The following MYL5 variants were observed in gnomAD, a reference collection of about 807,000 sequenced individuals.
MYL5 encodes the protein myosin regulatory light chain 5.
MYL5 carries 28 observed loss-of-function variants against 20.8 expected under a neutral mutation model. The ratio of observed to expected loss-of-function variants is 1.35; its 90% CI spans 1.00 to 1.84. The LOEUF is 1.84. Ranked by LOEUF, MYL5 falls within the 40% of genes most tolerant of loss-of-function variation. The pLI is 0.00. For synonymous variants in MYL5, 118 were observed against 87.4 expected, an observed-to-expected ratio of 1.35 and a Z score of -1.95; for missense variants, 274 against 227.3, an observed-to-expected ratio of 1.21 and a Z score of -1.32.
At chr4:681,357 A>T (rs543358315) in intron 6 of MYL5, among the ~76,000 whole-genome samples, 1 of 152,006 alleles carries the variant, frequency 6.6e-6, no homozygotes, top group South Asian at 2.1e-4. Context: ...CCGTTAGATC[A>T]GCGGCTGGAG....
chr4:678,327 A>T, intron 1 of MYL5: 1 of 1,420,610 alleles, frequency 7.0e-7, no homozygotes, highest in East Asian at 2.6e-5. Flanking sequence ...ACCCAGAACA[A>T]GCCCACCCAG....
At chr4:681,288 C>G (rs1739470843) in intron 6 of MYL5, 148 bp downstream of exon 8, 5 of 913,306 alleles carry the variant, frequency 5.5e-6, no homozygotes, top group South Asian at 4.8e-5. Flanking sequence ...CCGAAGTGCC[C>G]GTCTGAGGGA....
At chr4:681,940 G>A (rs201865762) in exon 7 of MYL5, 3 of 1,334,778 alleles carry the variant, frequency 2.2e-6, no homozygotes, top group African/African-American at 1.5e-5. Flanking sequence ...CGGGCAACCT[G>A]GACTACAAGG....
At chr4:679,147 GC>G in intron 3 of MYL5, 114 bp downstream of exon 5, 1 of 1,014,360 alleles carries the variant, frequency 9.9e-7, no homozygotes, top group Non-Finnish European at 1.5e-6. Context: ...CGCCTCAGAG[GC>G]CCACCAACGG....
At chr4:678,574 G>C in intron 1 of MYL5, 84 bp from the exon 4 acceptor site, 6 of 1,529,232 alleles carry the variant, frequency 3.9e-6, no homozygotes, top group Non-Finnish European at 1.8e-6. Flanking sequence ...CCCTTCATCT[G>C]AGTTAAGTCT....
In MYL5 at chr4:681,756, C is replaced by T. The variant is rs1236628773; in HGVS notation, c.421-137C>T. 1.1e-5 allele frequency: 13 copies of T among 1,131,490 alleles called. No homozygotes were observed. The South Asian group carries it at 4.6e-4, about 40-fold the overall frequency. The allele number at this position is 1,131,490 out of a possible 1,614,324, so 70.1% of individuals were successfully genotyped here. On this transcript the variant is annotated intron_variant, in intron 6 of 6. Transcript: ENST00000400159. ...TCCAGCGCCGCCCCGCCCCCTCCAGCGCCGCCCTCACCCCGCACCCGGGCC... is the reference window on the plus strand; with the variant it reads ...TCCAGCGCCGCCCCGCCCCCTCCAGTGCCGCCCTCACCCCGCACCCGGGCC...
At chr4:680,716 T>G in intron 5 of MYL5, 129 bp downstream of exon 7, 2 of 949,084 alleles carry the variant, frequency 2.1e-6, no homozygotes, top group Non-Finnish European at 3.2e-6. Context: ...TTCAGGGCCA[T>G]GAGGAGCGAA....
chr4:678,869 TCA>T, intron 2 of MYL5, 87 bp from the exon 5 acceptor site: 4 of 1,608,702 alleles, frequency 2.5e-6, no homozygotes, highest in Non-Finnish European at 3.4e-6. Flanking sequence ...AAGCCTATCC[TCA>T]GTCAGGGGTG....
exon 2 of MYL5, chr4:678,738 G>A: frequency 6.2e-7 from 1 of 1,611,834 alleles, no homozygotes. Flanking sequence ...CCAACTTTGA[G>A]CAGACTCAGA....
At chr4:678,866 T>A in intron 2 of MYL5, 92 bp from the exon 5 acceptor site, 1 of 1,608,968 alleles carries the variant, frequency 6.2e-7, no homozygotes, top group Non-Finnish European at 8.5e-7. Flanking sequence ...TGGAAGCCTA[T>A]CCTCAGTCAG....
intron 1 of MYL5, chr4:678,295 C>T (rs1446334127): frequency 7.0e-7 from 1 of 1,432,538 alleles, no homozygotes; most frequent in Non-Finnish European, 9.2e-7. Context: ...GAGGGGGTTC[C>T]TGGCTTTCAC....
At chr4:677,605 C>T (rs905830813), upstream of MYL5, among the ~76,000 whole-genome samples, 1 of 152,242 alleles carries the variant, frequency 6.6e-6, no homozygotes, top group African/African-American at 2.4e-5. Context: ...CGGTGACCAG[C>T]TGCAGTCACC....
chr4:680,453 G>A, intron 4 of MYL5, 56 bp from the exon 7 acceptor site: 1 of 1,569,522 alleles, frequency 6.4e-7, no homozygotes, highest in Non-Finnish European at 8.8e-7. Context: ...ATCTGCCCTT[G>A]GCAGCCACGG....
chr4:681,262 G>C, intron 6 of MYL5, 122 bp downstream of exon 8: 1 of 1,175,416 alleles, frequency 8.5e-7, no homozygotes, highest in South Asian at 1.4e-5. Flanking sequence ...GGACAGAACA[G>C]GCCCCCGGGG....
At chr4:680,988 G>A in intron 5 of MYL5, 104 bp from the exon 8 acceptor site, 2 of 1,262,744 alleles carry the variant, frequency 1.6e-6, no homozygotes, top group Admixed American at 2.0e-5. Context: ...GGGCGGGAGT[G>A]CAGTGAGCGA....
chr4:678,346 T>C, intron 1 of MYL5: 2 of 1,415,332 alleles, frequency 1.4e-6, no homozygotes, highest in South Asian at 1.5e-5. Context: ...AGAGTCCACT[T>C]GCCCCTCAAG....
At chr4:680,352 C>T (rs1336032065) in intron 4 of MYL5, among the ~76,000 whole-genome samples, 157 bp from the exon 7 acceptor site, 1 of 152,162 alleles carries the variant, frequency 6.6e-6, no homozygotes. Context: ...CCTTGGGGCT[C>T]AGGAAAGGAG....
intron 3 of MYL5, among the ~76,000 whole-genome samples, 187 bp from the exon 6 acceptor site, chr4:679,727 G>A (rs1473886041): frequency 1.3e-5 from 2 of 152,160 alleles, no homozygotes; most frequent in Non-Finnish European, 2.9e-5. Context: ...TGGGGCTCAC[G>A]GTTTGGGGTG....
upstream of MYL5, chr4:676,832 C>T (rs778419972): frequency 1.6e-4 from 152 of 971,510 alleles, no homozygotes; most frequent in Middle Eastern, 1.1e-3. Context: ...ACCTTGCAGT[C>T]GGCCCCAGGT....
Sources: gnomAD v4.1 joint callset for allele counts (sites outside exome capture counted in the v4.1 genomes callset) on GRCh38, gnomAD v4.1.1 for gene constraint, MANE v1.5 for transcripts, NCBI Gene and HGNC (gene_info 2026-07-23, HGNC 2026-07-21) for gene names.